Variants in PRRX1 observed in about 807,000 individuals in gnomAD.
PRRX1 encodes paired related homeobox 1.
A neutral mutation model predicts 24.0 loss-of-function variants in PRRX1; 8 were observed. That is an observed-to-expected ratio of 0.33 (90% CI 0.20 to 0.60). The LOEUF (loss-of-function observed/expected upper bound fraction) is 0.60, where lower values mean the gene tolerates loss of function less well. Ranked by LOEUF, PRRX1 falls within the 20% of genes least tolerant of loss-of-function variation. PRRX1 has a pLI of 0.82. For synonymous variants in PRRX1, 160 were observed against 131.7 expected, an observed-to-expected ratio of 1.22 and a Z score of -1.47; for missense variants, 281 against 322.4, an observed-to-expected ratio of 0.87 and a Z score of 0.98.
chr1:170,692,784 T>G (rs1654038654), intron 1 of PRRX1, among the ~76,000 whole-genome samples: 1 of 147,796 alleles, frequency 6.8e-6, no homozygotes, highest in Non-Finnish European at 1.5e-5. Flanking sequence ...CACACGCACA[T>G]GCATCTCTCA....
At chr1:170,676,911 C>T (rs1246197492) in intron 1 of PRRX1, among the ~76,000 whole-genome samples, 2 of 152,106 alleles carry the variant, frequency 1.3e-5, no homozygotes, top group Admixed American at 1.3e-4. Context: ...TGGCATGTGA[C>T]TGCTGCACCT....
At chr1:170,689,294 T>C (rs1653849487) in intron 1 of PRRX1, among the ~76,000 whole-genome samples, 1 of 152,182 alleles carries the variant, frequency 6.6e-6, no homozygotes, top group South Asian at 2.1e-4. Context: ...GTACTGTTCT[T>C]AGAACAAAGT....
intron 1 of PRRX1, among the ~76,000 whole-genome samples, chr1:170,705,458 AT>A (rs1654526863): frequency 6.6e-6 from 1 of 151,824 alleles, no homozygotes; most frequent in Non-Finnish European, 1.5e-5. Context: ...AATTTTTGTT[AT>A]TTTTGTAGAG....
chr1:170,709,416 T>A (rs901073309), intron 1 of PRRX1, among the ~76,000 whole-genome samples: 1 of 151,738 alleles, frequency 6.6e-6, no homozygotes, highest in African/African-American at 2.4e-5. Context: ...TAGAGTGGAG[T>A]GATTGGGTGA....
chr1:170,731,699 T>A lies in PRRX1; in HGVS notation c.600-4349T>A, dbSNP rs145000617. ...AAATGATTTGTCCCAGTGAAAACAGTACTCCACCTCTGCTAGTGGTTAGCA... is the reference window on the plus strand; with the variant it reads ...AAATGATTTGTCCCAGTGAAAACAGAACTCCACCTCTGCTAGTGGTTAGCA... On this transcript the variant is annotated intron_variant, in intron 3 of 3. Transcript: ENST00000239461. 2.5e-3 allele frequency among the ~76,000 whole-genome samples: 382 copies of A among 152,292 alleles called. 2 individuals carry two copies. Among genetic ancestry groups the A allele is most frequent in the African/African-American group, 8.3e-3 (344 of 41,574 alleles).
chr1:170,728,576 C>G (rs971912946), intron 3 of PRRX1: 1 of 152,060 alleles, frequency 6.6e-6, no homozygotes, highest in Non-Finnish European at 1.5e-5. Context: ...TCATTTCTCT[C>G]TTAGAAATTG....
intron 1 of PRRX1, among the ~76,000 whole-genome samples, chr1:170,698,054 ATG>A (rs1654232260): frequency 6.6e-6 from 1 of 151,992 alleles, no homozygotes; most frequent in South Asian, 2.1e-4. Context: ...GCCAAATCTT[ATG>A]TAAGTGGTTT....
chr1:170,698,380 CT>C (rs1432530855), intron 1 of PRRX1, among the ~76,000 whole-genome samples: 5 of 152,126 alleles, frequency 3.3e-5, no homozygotes, highest in Non-Finnish European at 7.4e-5. Context: ...AAATTAAAAA[CT>C]GAAAAACAAA....
intron 1 of PRRX1, among the ~76,000 whole-genome samples, chr1:170,679,600 C>T (rs1653439451): frequency 6.6e-6 from 1 of 152,058 alleles, no homozygotes; most frequent in Non-Finnish European, 1.5e-5. Flanking sequence ...GGGGCTTCAC[C>T]GTGTTAGCCA....
chr1:170,711,468 C>G (rs1654749427), intron 1 of PRRX1, among the ~76,000 whole-genome samples: 1 of 152,214 alleles, frequency 6.6e-6, no homozygotes, highest in Non-Finnish European at 1.5e-5. Context: ...TCCTGTCCTT[C>G]TAAGAGCTGA....
chr1:170,726,559 T>C (rs887537090), intron 3 of PRRX1, 158 bp downstream of exon 3: 17 of 890,574 alleles, frequency 1.9e-5, no homozygotes, highest in Non-Finnish European at 2.7e-5. Context: ...CCCAGGAGAT[T>C]ATAAGCTGCC....
chr1:170,698,553 G>A (rs1654250675), intron 1 of PRRX1, among the ~76,000 whole-genome samples: 1 of 152,124 alleles, frequency 6.6e-6, no homozygotes, highest in African/African-American at 2.4e-5. Context: ...TATTAAAATA[G>A]ACTATTTTTT....
intron 1 of PRRX1, among the ~76,000 whole-genome samples, chr1:170,664,741 C>CT (rs1171985415): frequency 1.3e-5 from 2 of 152,260 alleles, no homozygotes; most frequent in Non-Finnish European, 2.9e-5. Context: ...GCGGCGGACT[C>CT]TCTTTACTTC....
chr1:170,683,458 T>C (rs548912102), intron 1 of PRRX1, among the ~76,000 whole-genome samples: 1 of 145,712 alleles, frequency 6.9e-6, no homozygotes, highest in African/African-American at 2.8e-5. Flanking sequence ...TCTTTCTTAG[T>C]CTCATCTTTT....
At chr1:170,674,785 A>G (rs926644783) in intron 1 of PRRX1, among the ~76,000 whole-genome samples, 1 of 152,102 alleles carries the variant, frequency 6.6e-6, no homozygotes, top group Non-Finnish European at 1.5e-5. Flanking sequence ...GAGTAATACC[A>G]AAGTGTAATA....
intron 3 of PRRX1, chr1:170,730,459 C>A: frequency 2.3e-6 from 2 of 876,090 alleles, no homozygotes; most frequent in East Asian, 2.4e-5. Flanking sequence ...GCAGTGAAGT[C>A]CTCAAGTGAG....
intron 1 of PRRX1, among the ~76,000 whole-genome samples, chr1:170,703,256 C>G (rs1049816264): frequency 2.0e-5 from 3 of 152,186 alleles, no homozygotes; most frequent in African/African-American, 7.2e-5. Flanking sequence ...CTACGAATGT[C>G]AAGTGTTTCA....
intron 1 of PRRX1, among the ~76,000 whole-genome samples, chr1:170,706,725 C>T (rs544046835): frequency 1.3e-5 from 2 of 152,290 alleles, no homozygotes; most frequent in South Asian, 2.1e-4. Context: ...AATGGGTTCT[C>T]TCAGGTCAAG....
At chr1:170,715,723 A>T (rs966082476) in intron 1 of PRRX1, among the ~76,000 whole-genome samples, 1 of 152,226 alleles carries the variant, frequency 6.6e-6, no homozygotes, top group Admixed American at 6.5e-5. Flanking sequence ...ATGCAAGAAC[A>T]TCTGGATCAA....
Sources: gnomAD v4.1 joint callset for allele counts (sites outside exome capture counted in the v4.1 genomes callset) on GRCh38, gnomAD v4.1.1 for gene constraint, MANE v1.5 for transcripts, NCBI Gene and HGNC (gene_info 2026-07-23, HGNC 2026-07-21) for gene names.